The following CDCA7L variants were observed in gnomAD, a reference collection of about 807,000 sequenced individuals.
CDCA7L encodes cell division cycle associated 7 like, also known as cell division cycle-associated 7-like protein.
A neutral mutation model predicts 57.4 loss-of-function variants in CDCA7L; 44 were observed. That is an observed-to-expected ratio of 0.77 (90% confidence interval 0.60 to 0.98). The LOEUF is 0.98. Among genes scored for constraint, CDCA7L ranks in the 50% least tolerant of loss-of-function variants. The pLI is 0.00. For missense variants in CDCA7L, 644 were observed against 580.6 expected, an observed-to-expected ratio of 1.11 and a Z score of -1.12; for synonymous variants, 236 against 202.8, an observed-to-expected ratio of 1.16 and a Z score of -1.39.
chr7:21,936,526 T>C (rs1786171300), intron 1 of CDCA7L, among the ~76,000 whole-genome samples: 1 of 151,322 alleles, frequency 6.6e-6, no homozygotes, highest in Non-Finnish European at 1.5e-5. Flanking sequence ...CACATAAAAA[T>C]CAATTAATGT....
intron 9 of CDCA7L, chr7:21,902,719 G>T: frequency 2.0e-6 from 1 of 497,152 alleles, no homozygotes; most frequent in South Asian, 2.9e-5. Flanking sequence ...TTCCATTTCT[G>T]TCATACACCT....
At chr7:21,939,107 A>G (rs1786264147) in intron 1 of CDCA7L, among the ~76,000 whole-genome samples, 1 of 152,220 alleles carries the variant, frequency 6.6e-6, no homozygotes, top group Non-Finnish European at 1.5e-5. Context: ...AAAAGGACAA[A>G]TACCATATGA....
At chr7:21,928,039 G>T (rs958083083) in intron 1 of CDCA7L, among the ~76,000 whole-genome samples, 1 of 152,192 alleles carries the variant, frequency 6.6e-6, no homozygotes, top group African/African-American at 2.4e-5. Flanking sequence ...CCCAGCAGGG[G>T]TCAACAGACA....
In CDCA7L at chr7:21,906,460, A is replaced by T; in HGVS notation, c.754-4T>A. 1.2e-6 allele frequency: 2 copies of T among 1,609,404 alleles called. No homozygotes were observed. Among genetic ancestry groups the T allele is most frequent in the Non-Finnish European group, 1.7e-6 (2 of 1,177,116 alleles). ...CCCGCCTCACTGTCTTCTTCCTCTG[A>T]AATCAAGAGCACAGACAGAGACAAC... On this transcript the variant is annotated splice_region_variant and splice_polypyrimidine_tract_variant and intron_variant, in intron 5 of 9. Coordinates refer to ENST00000406877, the MANE Select transcript of CDCA7L (RefSeq NM_018719.5).
In CDCA7L at chr7:21,945,816, G is replaced by T. The variant is rs368095961; in HGVS notation, c.-12C>A. The T allele has an allele frequency of 1.9e-6, 3 of 1,598,158 alleles. No individual in the cohort carries two copies. Among genetic ancestry groups the T allele is most frequent in the East Asian group, 2.3e-5 (1 of 42,944 alleles). On this transcript the variant is annotated 5_prime_UTR_variant, in exon 1 of 10. Transcript: ENST00000406877. ...GTCGCCAACTCCATTCTTCCTAACC[G>T]GGCTCCAGTCTCCTCCCAGCACGCG...
intron 1 of CDCA7L, among the ~76,000 whole-genome samples, chr7:21,929,981 A>C (rs1040764160): frequency 6.6e-6 from 1 of 152,244 alleles, no homozygotes; most frequent in African/African-American, 2.4e-5. Flanking sequence ...ATAGACATCT[A>C]CAGAACTCTC....
chr7:21,902,408 C>CTAGGCTT, intron 9 of CDCA7L, 56 bp from the exon 10 acceptor site: 1 of 1,531,892 alleles, frequency 6.5e-7, no homozygotes, highest in South Asian at 1.1e-5. Context: ...AAATGGCATT[C>CTAGGCTT]TAGGCTTGAG....
In CDCA7L at chr7:21,902,117, TACATCTATATA is replaced by T; in HGVS notation, c.*194_*204del. The T allele has an allele frequency of 1.6e-6, 1 of 606,554 alleles. No homozygotes were observed. The highest frequency in any genetic ancestry group is 2.8e-5 in the East Asian group (1 of 35,944). The allele number at this position is 606,554 out of a possible 1,614,324, so 37.6% of individuals were successfully genotyped here. A position where few individuals can be genotyped will look rare whatever the true frequency, so the allele number is the denominator to read the frequency against. Reference sequence around the variant, plus strand: ...TTCAGCATACAGACAGGTCTGTGCATACATCTATATAGATTCCTCTGCTCTGCTGTCTTCCT... The same window carrying T: ...TTCAGCATACAGACAGGTCTGTGCATGATTCCTCTGCTCTGCTGTCTTCCT... On this transcript the variant is annotated 3_prime_UTR_variant, in exon 10 of 10. Coordinates refer to ENST00000406877, the MANE Select transcript of CDCA7L (RefSeq NM_018719.5).
chr7:21,902,332 T>C lies in CDCA7L; in HGVS notation c.1355A>G (p.Glu452Gly). 1 of 1,613,892 alleles carries C rather than the reference T, an allele frequency of 6.2e-7. No homozygotes were observed. Among genetic ancestry groups the C allele is most frequent in the Non-Finnish European group, 8.5e-7 (1 of 1,179,814 alleles). The change falls in exon 10 of 10, where the codon GAA becomes GGA. Residue 452 changes from glutamate to glycine, a missense_variant. Physicochemically the swap from Glu to Gly is moderately conservative, Grantham distance 98. Transcript: ENST00000406877. Reference protein sequence around the residue: ...YLESLQKELVEDN With the variant: ...YLESLQKELVGDN ...CTGTTTGTTTTCCTCTTAATTGTCT[T>C]CTACCAGCTCCTTTTGTAAGCTGGG...
At chr7:21,937,107 C>T (rs1382387852) in intron 1 of CDCA7L, among the ~76,000 whole-genome samples, 3 of 152,018 alleles carry the variant, frequency 2.0e-5, no homozygotes, top group African/African-American at 7.2e-5. Context: ...CGAAAAAAGC[C>T]TTGTACACTG....
chr7:21,914,757 G>C, intron 2 of CDCA7L, among the ~76,000 whole-genome samples: 1 of 152,322 alleles, frequency 6.6e-6, no homozygotes, highest in South Asian at 2.1e-4. Context: ...CTGAACGTCA[G>C]TTTCATCACT....
Position 21,901,109 on chromosome 7 carries a change from G to C in CDCA7L, c.*1213C>G. 1 of 1,614,008 alleles carries C rather than the reference G, an allele frequency of 6.2e-7. No individual in the cohort carries two copies. The highest frequency in any genetic ancestry group is 2.2e-5 in the East Asian group (1 of 44,880). ...TTTGCAAAAGCCACCCCCGTGGACA[G>C]ACAAGAAACCAAACAGACCTACGAG... On this transcript the variant is annotated 3_prime_UTR_variant, in exon 10 of 10. Transcript: ENST00000406877.
At chr7:21,921,386 C>G (rs1424503220) in intron 1 of CDCA7L, among the ~76,000 whole-genome samples, 2 of 147,376 alleles carry the variant, frequency 1.4e-5, no homozygotes, top group African/African-American at 5.0e-5. Flanking sequence ...GTCCTCAATG[C>G]AACGAACTGA....
chr7:21,941,667 C>A (rs1786343901), intron 1 of CDCA7L, among the ~76,000 whole-genome samples: 2 of 152,162 alleles, frequency 1.3e-5, no homozygotes, highest in Non-Finnish European at 2.9e-5. Flanking sequence ...GAGGAGGGAA[C>A]AGGGCAAGTT....
At chr7:21,924,991 G>A (rs1460345102) in intron 1 of CDCA7L, among the ~76,000 whole-genome samples, 2 of 152,114 alleles carry the variant, frequency 1.3e-5, no homozygotes, top group Non-Finnish European at 2.9e-5. Context: ...GAATGGGGAG[G>A]ACTTTCACCA....
intron 1 of CDCA7L, among the ~76,000 whole-genome samples, chr7:21,939,767 C>T (rs1043837261): frequency 3.0e-4 from 46 of 152,104 alleles, no homozygotes; most frequent in African/African-American, 8.9e-4. Flanking sequence ...GCATTCCCCT[C>T]ACCCTCATCA....
In CDCA7L at chr7:21,902,133, C is replaced by T. The variant is rs1394508769; in HGVS notation, c.*189G>A. On this transcript the variant is annotated 3_prime_UTR_variant, in exon 10 of 10. Coordinates refer to ENST00000406877, the MANE Select transcript of CDCA7L (RefSeq NM_018719.5). ...GTCTGTGCATACATCTATATAGATT[C>T]CTCTGCTCTGCTGTCTTCCTGAGAA... 1.0e-4 allele frequency: 66 copies of T among 635,044 alleles called. No homozygotes were observed. Among genetic ancestry groups the T allele is most frequent in the Non-Finnish European group, 1.8e-4 (65 of 355,268 alleles). The allele number at this position is 635,044 out of a possible 1,614,324, so 39.3% of individuals were successfully genotyped here.
rs922785318 is a variant in CDCA7L at position 21,906,622 on chromosome 7, C to T, written c.699G>A (p.Ala233=). Reference sequence around the variant, plus strand: ...AGAAATCTGGCATCGAGTTCAATTCCGCCAATAACTGGGCAAGCTGAAGTT... The same window carrying T: ...AGAAATCTGGCATCGAGTTCAATTCTGCCAATAACTGGGCAAGCTGAAGTT... The part of the protein sequence containing the change: ...ENKAMLAQLL[A]ELNSMPDFFP... Residue 233 remains alanine (A), a synonymous_variant, in exon 5 of 10, where the codon GCG becomes GCA. Coordinates refer to ENST00000406877, the MANE Select transcript of CDCA7L (RefSeq NM_018719.5). The T allele has an allele frequency of 1.6e-5, 26 of 1,613,846 alleles. No homozygotes were observed. Among genetic ancestry groups the T allele is most frequent in the Middle Eastern group, 1.7e-4 (1 of 5,964 alleles).
chr7:21,919,729 T>C (rs780859635), intron 1 of CDCA7L, among the ~76,000 whole-genome samples: 3 of 152,094 alleles, frequency 2.0e-5, no homozygotes, highest in Non-Finnish European at 2.9e-5. Flanking sequence ...CCAAAATTTT[T>C]AATATACTTA....
Sources: gnomAD v4.1 joint callset for allele counts (sites outside exome capture counted in the v4.1 genomes callset) on GRCh38, gnomAD v4.1.1 for gene constraint, MANE v1.5 for transcripts, NCBI Gene and HGNC (gene_info 2026-07-23, HGNC 2026-07-21) for gene names.